TTR: variants seen among roughly 807,000 people sequenced by gnomAD.
TTR encodes the protein epididymis luminal protein 111.
TTR carries 8 observed loss-of-function variants against 13.7 expected under a neutral mutation model. The ratio of observed to expected loss-of-function variants is 0.58; its 90% CI spans 0.34 to 1.05. The LOEUF (loss-of-function observed/expected upper bound fraction) is 1.05, where lower values mean the gene tolerates loss of function less well. TTR is among the 50% of genes least tolerant of loss of function. The pLI is 0.02. For synonymous variants in TTR, 75 were observed against 71.7 expected (o/e 1.05, Z -0.23); for missense variants, 135 against 185.5 (o/e 0.73, Z 1.58).
chr18:31,593,014 C>T lies in TTR; in HGVS notation c.188C>T (p.Pro63Leu). Reference sequence around the variant, plus strand: ...AAGGCTGCTGATGACACCTGGGAGCCATTTGCCTCTGGGTAAGTTGCCAAA... The same window carrying T: ...AAGGCTGCTGATGACACCTGGGAGCTATTTGCCTCTGGGTAAGTTGCCAAA... ...FRKAADDTWE[P>L]FASGKTSESG... Residue 63 changes from proline (P) to leucine (L), a missense_variant, in exon 2 of 4, where the codon CCA (proline) becomes CTA (leucine). Transcript: ENST00000237014. 2 of 1,614,034 alleles carry T rather than the reference C, an allele frequency of 1.2e-6. No individual in the cohort carries two copies. Among genetic ancestry groups the T allele is most frequent in the Non-Finnish European group, 1.7e-6 (2 of 1,179,932 alleles).
chr18:31,592,501 G>A (rs1407882709), intron 1 of TTR, among the ~76,000 whole-genome samples: 2 of 152,128 alleles, frequency 1.3e-5, no homozygotes, highest in African/African-American at 4.8e-5. Flanking sequence ...ATAACAACTG[G>A]TAAGAGGGAG....
At position 31,595,315 on chromosome 18, in the gene TTR, G is replaced by A. The variant is rs141137845; in HGVS notation, c.336+60G>A. On this transcript the variant is annotated intron_variant, in intron 3 of 3. Coordinates refer to ENST00000237014, the MANE Select transcript of TTR (RefSeq NM_000371.4). ...TTGGTTTTTGCTTTTGGCATTCCAG[G>A]AAATGCACAGTTTTACTCAGTGTAC... is the stretch of plus-strand genomic sequence containing the variant. The A allele has an allele frequency of 3.7e-6, 6 of 1,607,502 alleles. No individual in the cohort carries two copies. The African/African-American group carries it at 6.7e-5, about 18-fold the overall frequency.
intron 3 of TTR, among the ~76,000 whole-genome samples, chr18:31,596,506 A>T (rs866054155): frequency 6.6e-5 from 10 of 152,262 alleles, no homozygotes; most frequent in African/African-American, 2.2e-4. Flanking sequence ...ACCCTCGAGT[A>T]ATAGATCTGC....
chr18:31,595,461 G>T, intron 3 of TTR: 1 of 710,288 alleles, frequency 1.4e-6, no homozygotes, highest in Non-Finnish European at 2.5e-6. Context: ...AATCCACTTA[G>T]TAACATGACT....
In TTR at chr18:31,591,900, A is replaced by G. The variant is rs745422404; in HGVS notation, c.-3A>G. On this transcript the variant is annotated 5_prime_UTR_variant, in exon 1 of 4. Transcript: ENST00000237014. ...TCACAGAAGTCCACTCATTCTTGGCAGGATGGCTTCTCATCGTCTGCTCCT... is the reference window on the plus strand; with the variant it reads ...TCACAGAAGTCCACTCATTCTTGGCGGGATGGCTTCTCATCGTCTGCTCCT... 1.2e-5 allele frequency: 20 copies of G among 1,614,086 alleles called. No homozygotes were observed. In the Admixed American group the frequency reaches 3.3e-4, roughly 27 times the overall value.
At chr18:31,596,372 A>G (rs988286870) in intron 3 of TTR, among the ~76,000 whole-genome samples, 1 of 152,168 alleles carries the variant, frequency 6.6e-6, no homozygotes, top group Non-Finnish European at 1.5e-5. Flanking sequence ...AGAGAGCCCC[A>G]TCTACCAAGG....
chr18:31,595,104 C>CT lies in TTR; in HGVS notation c.201-13dup. 1.2e-6 allele frequency: 2 copies of CT among 1,614,010 alleles called. No homozygotes were observed. Among genetic ancestry groups the CT allele is most frequent in the Non-Finnish European group, 1.7e-6 (2 of 1,179,990 alleles). On this transcript the variant is annotated splice_polypyrimidine_tract_variant and intron_variant, in intron 2 of 3. Coordinates refer to ENST00000237014, the MANE Select transcript of TTR (RefSeq NM_000371.4). ...TCCTCCATGCGTAACTTAATCCAGA[C>CT]TTTCACACCTTATAGGAAAACCAGT... is the stretch of plus-strand genomic sequence containing the variant.
intron 3 of TTR, 134 bp from the exon 4 acceptor site, chr18:31,598,433 TG>T: frequency 1.1e-6 from 1 of 886,154 alleles, no homozygotes; most frequent in Non-Finnish European, 1.8e-6. Flanking sequence ...TTTTTCCTTC[TG>T]TTCAAACTGT....
Position 31,592,764 on chromosome 18 carries a change from C to T in TTR, c.70-132C>T, listed in dbSNP as rs74638085. 4,333 of 1,212,964 alleles carry T rather than the reference C, an allele frequency of 3.6e-3. 125 individuals carry two copies. In the African/African-American group the frequency reaches 0.059, roughly 16 times the overall value. 75.1% of individuals were successfully genotyped at this position (1,212,964 alleles called of 1,614,324 possible). A position where few individuals can be genotyped will look rare whatever the true frequency, so the allele number is the denominator to read the frequency against. On this transcript the variant is annotated intron_variant, in intron 1 of 3. Coordinates refer to ENST00000237014, the MANE Select transcript of TTR (RefSeq NM_000371.4). ...CTGAGTAGGGAAGCTCATTAATTGTCGACACTTACGTTCCTGATAATGGGA... is the reference window on the plus strand; with the variant it reads ...CTGAGTAGGGAAGCTCATTAATTGTTGACACTTACGTTCCTGATAATGGGA...
chr18:31,597,670 A>G lies in TTR; in HGVS notation c.337-898A>G, dbSNP rs535747925. ...AACCTCAACCCAAGGCCTGTATACAAAATAAATCAAATTAAACACATCTTT... is the reference window on the plus strand; with the variant it reads ...AACCTCAACCCAAGGCCTGTATACAGAATAAATCAAATTAAACACATCTTT... On this transcript the variant is annotated intron_variant, in intron 3 of 3. Coordinates refer to ENST00000237014, the MANE Select transcript of TTR (RefSeq NM_000371.4). Among the ~76,000 whole-genome samples, 51 of 152,328 alleles carry G rather than the reference A, an allele frequency of 3.3e-4. 2 individuals carry two copies. The South Asian group carries it at 1.0e-2, about 30-fold the overall frequency.
intron 2 of TTR, 61 bp from the exon 3 acceptor site, chr18:31,595,059 A>T: frequency 6.3e-7 from 1 of 1,591,266 alleles, no homozygotes; most frequent in Non-Finnish European, 8.6e-7. Context: ...GGGGTGTATT[A>T]CTTTGCCATG....
intron 3 of TTR, chr18:31,596,041 AG>A (rs893855479): frequency 1.9e-5 from 3 of 157,872 alleles, no homozygotes; most frequent in African/African-American, 7.2e-5. Flanking sequence ...AAAAAAGAAA[AG>A]CCACATTTGT....
chr18:31,596,575 A>G (rs1301812297), intron 3 of TTR, among the ~76,000 whole-genome samples: 2 of 152,122 alleles, frequency 1.3e-5, no homozygotes, highest in African/African-American at 4.8e-5. Context: ...AACCATATAA[A>G]AAGGTTCACT....
rs1431213557 is a variant in TTR, at chr18:31,593,374, A to G, written c.200+348A>G. ...AAAAAATGCACAGATACACACACAT[A>G]CAAAATCATATATGTGATTTTAGGA... is the stretch of plus-strand genomic sequence containing the variant. On this transcript the variant is annotated intron_variant, in intron 2 of 3. Transcript: ENST00000237014. 1.3e-5 allele frequency: 4 copies of G among 303,170 alleles called. No homozygotes were observed. In the South Asian group the frequency reaches 1.3e-4, roughly 10 times the overall value. 18.8% of individuals were successfully genotyped at this position (303,170 alleles called of 1,614,324 possible).
At position 31,593,180 on chromosome 18, in the gene TTR, C is replaced by T. The variant is rs939570149; in HGVS notation, c.200+154C>T. On this transcript the variant is annotated intron_variant, in intron 2 of 3. Transcript: ENST00000237014. ...AAGTATGCCCTCTGAAGGATGCCCTCTTTTTGTTTTGCTTAGCTAGGAAGT... is the reference window on the plus strand; with the variant it reads ...AAGTATGCCCTCTGAAGGATGCCCTTTTTTTGTTTTGCTTAGCTAGGAAGT... 27 of 1,133,790 alleles carry T rather than the reference C, an allele frequency of 2.4e-5. 1 individual carries two copies. The East Asian group carries it at 2.5e-4, about 10-fold the overall frequency. 70.2% of individuals were successfully genotyped at this position (1,133,790 alleles called of 1,614,324 possible). A position where few individuals can be genotyped will look rare whatever the true frequency, so the allele number is the denominator to read the frequency against.
intron 3 of TTR, chr18:31,598,011 C>A: frequency 1.1e-5 from 2 of 186,172 alleles, no homozygotes; most frequent in Non-Finnish European, 2.3e-5. Context: ...TTAGAAAATG[C>A]AAAGAATAGG....
rs2073488528 is a variant in TTR, at chr18:31,591,984, G to C, written c.69+13G>C. On this transcript the variant is annotated intron_variant, in intron 1 of 3. Coordinates refer to ENST00000237014, the MANE Select transcript of TTR (RefSeq NM_000371.4). ...GGCTGGCCCTACGGTGAGTGTTTCT[G>C]TGACATCCCATTCCTACATTTAAGA... is the stretch of plus-strand genomic sequence containing the variant. 2 of 1,613,914 alleles carry C rather than the reference G, an allele frequency of 1.2e-6. No individual in the cohort carries two copies. Among genetic ancestry groups the C allele is most frequent in the African/African-American group, 1.3e-5 (1 of 75,030 alleles).
intron 2 of TTR, among the ~76,000 whole-genome samples, chr18:31,594,909 A>T (rs1424258689): frequency 3.9e-5 from 6 of 152,298 alleles, no homozygotes; most frequent in African/African-American, 1.4e-4. Context: ...TCAGAGAAAA[A>T]AATCTACAGT....
intron 3 of TTR, among the ~76,000 whole-genome samples, chr18:31,597,864 G>T (rs533319592): frequency 6.6e-6 from 1 of 152,150 alleles, no homozygotes; most frequent in Non-Finnish European, 1.5e-5. Flanking sequence ...AAGCTTAAAT[G>T]AGCTCTAGTG....
Sources: allele counts gnomAD v4.1 joint callset (sites outside exome capture counted in the v4.1 genomes callset), GRCh38; gene constraint gnomAD v4.1.1; transcripts MANE v1.5; gene names NCBI Gene and HGNC (gene_info 2026-07-23, HGNC 2026-07-21).